The following ATRNL1 variants were observed in gnomAD, a reference collection of about 807,000 sequenced individuals.
The protein encoded by ATRNL1 is attractin like 1, also known as attractin-like protein 1.
In ATRNL1, 95 loss-of-function variants were observed where a neutral mutation model predicts 182.7. That is an observed-to-expected ratio of 0.52 (90% CI 0.44 to 0.62). ATRNL1 has a LOEUF of 0.62. ATRNL1 is among the 20% of genes least tolerant of loss of function. The pLI is 0.00. For synonymous variants in ATRNL1, 576 were observed against 568.3 expected (o/e 1.01, Z -0.19); for missense variants, 1,471 against 1,679.5 (o/e 0.88, Z 2.17).
chr10:115,094,217 C>T (rs2084954376), intron 1 of ATRNL1, among the ~76,000 whole-genome samples, 174 bp downstream of exon 1: 1 of 151,754 alleles, frequency 6.6e-6, no homozygotes. Flanking sequence ...CGCGCCCCCT[C>T]CAGCCCCGGG....
chr10:115,329,563 C>A (rs1855100929), intron 18 of ATRNL1, among the ~76,000 whole-genome samples: 2 of 152,092 alleles, frequency 1.3e-5, no homozygotes, highest in South Asian at 4.1e-4. Context: ...TAAGTTACTC[C>A]AATGTGCATT....
At chr10:115,559,455 C>CGCGT (rs1491525405) in intron 26 of ATRNL1, among the ~76,000 whole-genome samples, 25 of 80,716 alleles carry the variant, frequency 3.1e-4, no homozygotes, top group South Asian at 8.3e-4. Context: ...CGCGCGCGCA[C>CGCGT]GCACGCACAT....
At position 115,537,252 on chromosome 10, in the gene ATRNL1, G is replaced by A. The variant is rs141881866; in HGVS notation, c.3717-12206G>A. Among the ~76,000 whole-genome samples the A allele has an allele frequency of 1.2e-4, 19 of 152,284 alleles. No individual in the cohort carries two copies. In the East Asian group the frequency reaches 1.4e-3, roughly 11 times the overall value. On this transcript the variant is annotated intron_variant, in intron 25 of 28. Transcript: ENST00000355044. ...CTAGTTTACAAAGCTGAGGTTTATC[G>A]TACTAGACACTGAAATAGACTTCTC... is the stretch of plus-strand genomic sequence containing the variant.
intron 28 of ATRNL1, among the ~76,000 whole-genome samples, chr10:115,853,788 A>G (rs986224610): frequency 5.9e-5 from 9 of 152,230 alleles, no homozygotes; most frequent in Non-Finnish European, 8.8e-5. Context: ...AGTGGCATTC[A>G]TGGTAAAATA....
intron 1 of ATRNL1, among the ~76,000 whole-genome samples, chr10:115,108,836 T>C (rs1554866949): frequency 6.6e-6 from 1 of 152,186 alleles, no homozygotes; most frequent in East Asian, 1.9e-4. Flanking sequence ...GACTAAGTAA[T>C]TCCTTTCTAA....
At chr10:115,832,265 C>G (rs1429615985) in intron 27 of ATRNL1, among the ~76,000 whole-genome samples, 1 of 152,202 alleles carries the variant, frequency 6.6e-6, no homozygotes, top group Non-Finnish European at 1.5e-5. Context: ...CCACCATTCA[C>G]TCGTGCTGTT....
At chr10:115,270,864 A>T (rs573729606) in intron 13 of ATRNL1, among the ~76,000 whole-genome samples, 1 of 152,106 alleles carries the variant, frequency 6.6e-6, no homozygotes, top group Non-Finnish European at 1.5e-5. Context: ...AACCATTACA[A>T]GTCTACCCCT....
intron 24 of ATRNL1, among the ~76,000 whole-genome samples, chr10:115,516,884 C>T (rs1299711254): frequency 2.6e-5 from 4 of 151,796 alleles, no homozygotes; most frequent in African/African-American, 9.7e-5. Flanking sequence ...AGCCGCAAAT[C>T]CTCCTAGCTC....
At position 115,396,061 on chromosome 10, in the gene ATRNL1, A is replaced by G. The variant is rs565031321; in HGVS notation, c.3269+1309A>G. 5.3e-5 allele frequency among the ~76,000 whole-genome samples: 8 copies of G among 152,018 alleles called. No homozygotes were observed. The East Asian group carries it at 1.2e-3, about 22-fold the overall frequency. ...GAAAATGATCCTTTTATTTTTATTT[A>G]AAATAAATATATTACTTGTTGCAGA... On this transcript the variant is annotated intron_variant, in intron 20 of 28. Coordinates refer to ENST00000355044, the MANE Select transcript of ATRNL1 (RefSeq NM_207303.4).
chr10:115,832,026 A>T (rs1322519807), intron 27 of ATRNL1, among the ~76,000 whole-genome samples: 2 of 152,204 alleles, frequency 1.3e-5, no homozygotes, highest in Non-Finnish European at 2.9e-5. Context: ...TATTTACAGG[A>T]TTAATATGTC....
chr10:115,561,955 G>A (rs1384589957), intron 26 of ATRNL1, among the ~76,000 whole-genome samples: 1 of 152,044 alleles, frequency 6.6e-6, no homozygotes, highest in Non-Finnish European at 1.5e-5. Context: ...ACTTTGTAGT[G>A]TAATACACTC....
chr10:115,797,375 T>C (rs1949678433), intron 27 of ATRNL1, among the ~76,000 whole-genome samples: 1 of 152,118 alleles, frequency 6.6e-6, no homozygotes, highest in South Asian at 2.1e-4. Context: ...TGCAATTTAA[T>C]TTTACACTCA....
At chr10:115,593,931 T>C (rs1258269221) in intron 26 of ATRNL1, among the ~76,000 whole-genome samples, 2 of 152,112 alleles carry the variant, frequency 1.3e-5, no homozygotes, top group Non-Finnish European at 2.9e-5. Flanking sequence ...ATATATACTT[T>C]ATTTAATCTA....
intron 26 of ATRNL1, among the ~76,000 whole-genome samples, chr10:115,627,770 G>A (rs1417973367): frequency 6.6e-6 from 1 of 152,182 alleles, no homozygotes; most frequent in African/African-American, 2.4e-5. Flanking sequence ...AAGAACACGA[G>A]TGTATTTGTT....
At chr10:115,476,068 C>T (rs771512642) in intron 24 of ATRNL1, among the ~76,000 whole-genome samples, 1 of 151,210 alleles carries the variant, frequency 6.6e-6, no homozygotes, top group Non-Finnish European at 1.5e-5. Flanking sequence ...TATAAATTAA[C>T]CTGTATGCAG....
intron 15 of ATRNL1, among the ~76,000 whole-genome samples, 164 bp downstream of exon 15, chr10:115,286,561 A>G (rs1852624630): frequency 1.3e-5 from 2 of 151,900 alleles, no homozygotes; most frequent in South Asian, 4.1e-4. Context: ...TATAAGTAAT[A>G]AGGTAATAAG....
At chr10:115,656,773 A>G (rs1860361873) in intron 26 of ATRNL1, among the ~76,000 whole-genome samples, 2 of 152,170 alleles carry the variant, frequency 1.3e-5, no homozygotes, top group South Asian at 4.1e-4. Flanking sequence ...GAGTGGTGGT[A>G]GGAGGTTCTC....
In ATRNL1 at chr10:115,110,957, C is replaced by T. The variant is rs553793635; in HGVS notation, c.294-9228C>T. On this transcript the variant is annotated intron_variant, in intron 1 of 28. Coordinates refer to ENST00000355044, the MANE Select transcript of ATRNL1 (RefSeq NM_207303.4). ...GGTTACTAATTGCTGTCTGGATCCACGAAAGGAAGATGCTCTGGCATTTTA... is the reference window on the plus strand; with the variant it reads ...GGTTACTAATTGCTGTCTGGATCCATGAAAGGAAGATGCTCTGGCATTTTA... Among the ~76,000 whole-genome samples the T allele has an allele frequency of 2.8e-4, 43 of 152,230 alleles. 1 individual carries two copies. In the South Asian group the frequency reaches 8.5e-3, roughly 30 times the overall value.
At chr10:115,655,552 A>G (rs1860278018) in intron 26 of ATRNL1, among the ~76,000 whole-genome samples, 1 of 152,284 alleles carries the variant, frequency 6.6e-6, no homozygotes, top group African/African-American at 2.4e-5. Flanking sequence ...ATTTTGTAAC[A>G]GTTTCTGTGA....
Sources: gnomAD v4.1 joint callset for allele counts (sites outside exome capture counted in the v4.1 genomes callset) on GRCh38, gnomAD v4.1.1 for gene constraint, MANE v1.5 for transcripts, NCBI Gene and HGNC (gene_info 2026-07-23, HGNC 2026-07-21) for gene names.